The following KLHL12 variants were observed in gnomAD, a reference collection of about 807,000 sequenced individuals.
The protein encoded by KLHL12 is kelch-like protein 12.
Under a neutral mutation model 60.8 loss-of-function variants are expected in KLHL12, and 17 were observed. That is an observed-to-expected ratio of 0.28 (90% CI 0.19 to 0.42). KLHL12 has a LOEUF of 0.42. Ranked by LOEUF, KLHL12 falls within the 10% of genes least tolerant of loss-of-function variation. The pLI is 1.00. For synonymous variants in KLHL12, 220 were observed against 250.9 expected, an observed-to-expected ratio of 0.88 and a Z score of 1.16; for missense variants, 468 against 722.3, an observed-to-expected ratio of 0.65 and a Z score of 4.04.
intron 6 of KLHL12, among the ~76,000 whole-genome samples, chr1:202,905,968 C>CTTTTTTTT (rs71142574): frequency 8.9e-4 from 46 of 51,668 alleles, no homozygotes; most frequent in African/African-American, 2.4e-3. Context: ...CCACACCTGG[C>CTTTTTTTT]TTTTTTTTTT....
At position 202,893,296 on chromosome 1, in the gene KLHL12, G is replaced by T; in HGVS notation, c.1523C>A (p.Thr508Asn). 1 of 1,613,324 alleles carries T rather than the reference G, an allele frequency of 6.2e-7. No individual in the cohort carries two copies. The highest frequency in any genetic ancestry group is 8.5e-7 in the Non-Finnish European group (1 of 1,179,920). Reference sequence around the variant, plus strand: ...TGTGGCCCCTACATAGCATCGTGGAGTGGTCATACTGGTGACAGTTGTCCA... The same window carrying T: ...TGTGGCCCCTACATAGCATCGTGGATTGGTCATACTGGTGACAGTTGTCCA... ...DSWTTVTSMT[T>N]PRCYVGATVL... The change falls in exon 11 of 12, where the codon ACT becomes AAT. Residue 508 changes from threonine (T) to asparagine (N), a missense_variant. Thr to Asn is a moderately conservative substitution (Grantham distance 65). Transcript: ENST00000367261. The surrounding 1 kb of genome is among the most constrained non-coding windows in gnomAD (Gnocchi z 4.1).
intron 1 of KLHL12, 56 bp downstream of exon 1, chr1:202,927,033 C>G: frequency 2.0e-6 from 2 of 981,468 alleles, no homozygotes; most frequent in Non-Finnish European, 2.4e-6. Flanking sequence ...GGCCATAACC[C>G]GGAGTTGACG....
At chr1:202,925,395 T>A (rs1275540920) in intron 1 of KLHL12, among the ~76,000 whole-genome samples, 188 bp from the exon 2 acceptor site, 1 of 152,218 alleles carries the variant, frequency 6.6e-6, no homozygotes, top group African/African-American at 2.4e-5. Flanking sequence ...AAAAGCTCTC[T>A]CTTCTTCCTC....
At chr1:202,920,840 G>A (rs1372082338) in intron 2 of KLHL12, among the ~76,000 whole-genome samples, 1 of 152,126 alleles carries the variant, frequency 6.6e-6, no homozygotes, top group African/African-American at 2.4e-5. Flanking sequence ...TTAAAATACA[G>A]ATGTATTTAC....
In KLHL12 at chr1:202,918,183, G is replaced by A. The variant is rs202140389; in HGVS notation, c.555C>T (p.Cys185=). 88 of 1,612,316 alleles carry A rather than the reference G, an allele frequency of 5.5e-5. No individual in the cohort carries two copies. The East Asian group carries it at 9.4e-4, about 17-fold the overall frequency. ...SQGEVEKLIK[C]DEIQVDSEEP... is the part of the protein sequence containing the mutation. ...GACAAATCCGTACCTGAATTTCGTCGCACTTGATTAGCTTTTCCACCTCTC... is the reference window on the plus strand; with the variant it reads ...GACAAATCCGTACCTGAATTTCGTCACACTTGATTAGCTTTTCCACCTCTC... The change falls in exon 4 of 12, where the codon TGC becomes TGT. Residue 185 remains cysteine (C), a synonymous_variant. Transcript: ENST00000367261.
At chr1:202,907,831 C>G (rs1420620248) in intron 6 of KLHL12, among the ~76,000 whole-genome samples, 1 of 151,612 alleles carries the variant, frequency 6.6e-6, no homozygotes, top group African/African-American at 2.4e-5. Flanking sequence ...CTGCTTGAGT[C>G]CAGGAGGCTA....
At chr1:202,897,305 G>A (rs567450404) in intron 6 of KLHL12, among the ~76,000 whole-genome samples, 14 of 142,414 alleles carry the variant, frequency 9.8e-5, no homozygotes, top group African/African-American at 3.2e-4. Flanking sequence ...CCATGATCTC[G>A]GCTCACCACA....
intron 2 of KLHL12, among the ~76,000 whole-genome samples, chr1:202,920,668 G>A (rs896887118): frequency 2.0e-5 from 3 of 151,860 alleles, no homozygotes; most frequent in African/African-American, 4.8e-5. Flanking sequence ...GAGCCACCGC[G>A]CCCGGCCAAT....
chr1:202,921,617 AT>A (rs751476466), intron 2 of KLHL12, among the ~76,000 whole-genome samples: 76 of 152,232 alleles, frequency 5.0e-4, no homozygotes, highest in Non-Finnish European at 1.0e-3. Flanking sequence ...TTAGCAGTAT[AT>A]TTAGTCTAAA....
At chr1:202,904,817 A>T (rs1356232161) in intron 6 of KLHL12, among the ~76,000 whole-genome samples, 3 of 152,342 alleles carry the variant, frequency 2.0e-5, no homozygotes, top group African/African-American at 7.2e-5. Flanking sequence ...TTCCATTTGC[A>T]CTGATCTTTA....
chr1:202,927,108 CA>C lies in KLHL12; in HGVS notation c.-66del, dbSNP rs1156320248. On this transcript the variant is annotated 5_prime_UTR_variant, in exon 1 of 12. Transcript: ENST00000367261. The stretch of plus-strand genomic sequence containing the variant: ...ACTCACCTCCGCTCCCGAACCCACA[CA>C]GCCGCACCGGGCCCGTCCCCAGCCT... 4 of 985,460 alleles carry C rather than the reference CA, an allele frequency of 4.1e-6. No homozygotes were observed. Among genetic ancestry groups the C allele is most frequent in the Non-Finnish European group, 4.8e-6 (4 of 830,076 alleles). The allele number at this position is 985,460 out of a possible 1,614,324, so 61.0% of individuals were successfully genotyped here.
intron 9 of KLHL12, 92 bp downstream of exon 9, chr1:202,894,499 G>A (rs2102405947): frequency 1.5e-6 from 2 of 1,295,028 alleles, no homozygotes; most frequent in East Asian, 4.6e-5. Context: ...TTGAAGGGAA[G>A]TCTATGAACG....
chr1:202,917,629 A>G (rs1051398907), intron 4 of KLHL12, among the ~76,000 whole-genome samples: 2 of 152,080 alleles, frequency 1.3e-5, no homozygotes, highest in African/African-American at 4.8e-5. Context: ...TTGTCTCTTC[A>G]TTTCTGATCC....
Position 202,927,186 on chromosome 1 carries a change from G to A in KLHL12, c.-143C>T, listed in dbSNP as rs1432141546. ...AGCAGGCGGCTCGGGAGGAGCCGAA[G>A]CGCCGCCCAGACCCGGAGGCTCTGG... On this transcript the variant is annotated 5_prime_UTR_variant, in exon 1 of 12. Transcript: ENST00000367261. The A allele has an allele frequency of 8.1e-6, 8 of 985,234 alleles. No individual in the cohort carries two copies. In the Admixed American group the frequency reaches 2.5e-4, roughly 30 times the overall value. 61.0% of individuals were successfully genotyped at this position (985,234 alleles called of 1,614,324 possible).
At chr1:202,923,768 C>T (rs997024239) in intron 2 of KLHL12, among the ~76,000 whole-genome samples, 4 of 151,934 alleles carry the variant, frequency 2.6e-5, no homozygotes, top group Admixed American at 2.6e-4. Flanking sequence ...AGCACAGTAC[C>T]TGGCCCATAA....
At chr1:202,926,898 G>A (rs1653592400) in intron 1 of KLHL12, among the ~76,000 whole-genome samples, 191 bp downstream of exon 1, 1 of 152,182 alleles carries the variant, frequency 6.6e-6, no homozygotes, top group Non-Finnish European at 1.5e-5. Flanking sequence ...TATCGGAGAG[G>A]GGCAGTTCAG....
upstream of KLHL12, chr1:202,927,357 C>G (rs1191616847): frequency 1.3e-6 from 1 of 775,578 alleles, no homozygotes; most frequent in Non-Finnish European, 1.6e-6. Flanking sequence ...TAGCGCGGGG[C>G]TTCTGTACGC....
In KLHL12 at chr1:202,925,173, G is replaced by C. The variant is rs78311273; in HGVS notation, c.-11C>G. ...CATAATGCCTCCCATAAAGCAGTGCGGAGAAAGAACAAAATGGGTCCTTGG... is the reference window on the plus strand; with the variant it reads ...CATAATGCCTCCCATAAAGCAGTGCCGAGAAAGAACAAAATGGGTCCTTGG... On this transcript the variant is annotated 5_prime_UTR_variant, in exon 2 of 12. Coordinates refer to ENST00000367261, the MANE Select transcript of KLHL12 (RefSeq NM_021633.4). The C allele has an allele frequency of 1.9e-6, 3 of 1,613,688 alleles. No individual in the cohort carries two copies. The highest frequency in any genetic ancestry group is 3.3e-5 in the Admixed American group (2 of 59,976).
Position 202,893,146 on chromosome 1 carries a change from C to A in KLHL12, c.1580+93G>T. 9.7e-7 allele frequency: 1 copy of A among 1,030,352 alleles called. No homozygotes were observed. Among genetic ancestry groups the A allele is most frequent in the Non-Finnish European group, 1.4e-6 (1 of 710,504 alleles). 63.8% of individuals were successfully genotyped at this position (1,030,352 alleles called of 1,614,324 possible). ...TGCCACTGGAGATGTCTACCCCTACCCAAGTCTTGTCTCTGTCCAAAAATG... is the reference window on the plus strand; with the variant it reads ...TGCCACTGGAGATGTCTACCCCTACACAAGTCTTGTCTCTGTCCAAAAATG... On this transcript the variant is annotated intron_variant, in intron 11 of 11. Transcript: ENST00000367261. The surrounding 1 kb of genome is among the most constrained non-coding windows in gnomAD (Gnocchi z 4.1).
Sources: gnomAD v4.1 joint callset for allele counts (sites outside exome capture counted in the v4.1 genomes callset) on GRCh38, gnomAD v4.1.1 for gene constraint, Gnocchi (gnomAD v3.1) non-coding constraint, MANE v1.5 for transcripts, NCBI Gene and HGNC (gene_info 2026-07-23, HGNC 2026-07-21) for gene names.